The following PNO1 variants were observed in gnomAD, a reference collection of about 807,000 sequenced individuals.
The protein encoded by PNO1 is RNA-binding protein PNO1.
Under a neutral mutation model 28.4 loss-of-function variants are expected in PNO1, and 16 were observed. The ratio of observed to expected loss-of-function variants is 0.56; its 90% confidence interval spans 0.38 to 0.85. PNO1 has a LOEUF of 0.85. Ranked by LOEUF, PNO1 falls within the 40% of genes least tolerant of loss-of-function variation. The probability of loss-of-function intolerance (pLI) is 0.00; values close to 1 mark genes in which losing one functional copy is unlikely to be tolerated. For missense variants in PNO1, 304 were observed against 312.2 expected (o/e 0.97, Z 0.20); for synonymous variants, 115 against 110.8 (o/e 1.04, Z -0.24).
chr2:68,169,247 A>G (rs1252748585), intron 5 of PNO1, among the ~76,000 whole-genome samples: 1 of 151,806 alleles, frequency 6.6e-6, no homozygotes, highest in Non-Finnish European at 1.5e-5. Context: ...TTTTTCTTGT[A>G]CTGTCATGAC....
At position 68,173,427 on chromosome 2, in the gene PNO1, GTTTC is replaced by G. The variant is rs1360528704; in HGVS notation, c.691+18_691+21del. 6 of 1,550,878 alleles carry G rather than the reference GTTTC, an allele frequency of 3.9e-6. No homozygotes were observed. Among genetic ancestry groups the G allele is most frequent in the East Asian group, 2.2e-5 (1 of 44,544 alleles). The stretch of plus-strand genomic sequence containing the variant: ...TGCAACCTAATCTTGGGTAATAGCA[GTTTC>G]TTTCTTTGGTGTTTTCTCTGGGAGG... On this transcript the variant is annotated intron_variant, in intron 6 of 6. Transcript: ENST00000263657.
rs201331443 is a variant in PNO1 at position 68,158,156 on chromosome 2, C to G, written c.207+15C>G. On this transcript the variant is annotated intron_variant, in intron 1 of 6. Transcript: ENST00000263657. ...ACGGGCTCCTGGTATGTGGCTGGGA[C>G]CCTAGGACAGCAACGAGGCAAGGGC... is the stretch of plus-strand genomic sequence containing the variant. 55 of 1,571,556 alleles carry G rather than the reference C, an allele frequency of 3.5e-5. No homozygotes were observed. In the African/African-American group the frequency reaches 6.9e-4, roughly 20 times the overall value.
intron 5 of PNO1, among the ~76,000 whole-genome samples, chr2:68,167,049 T>C (rs570950048): frequency 2.8e-4 from 42 of 152,350 alleles, no homozygotes; most frequent in Middle Eastern, 6.8e-3. Flanking sequence ...CAGGAATTTA[T>C]AGCTGCAGGC....
chr2:68,158,527 A>G lies in PNO1; in HGVS notation c.355A>G (p.Arg119Gly). 1 of 1,610,908 alleles carries G rather than the reference A, an allele frequency of 6.2e-7. No homozygotes were observed. The highest frequency in any genetic ancestry group is 8.5e-7 in the Non-Finnish European group (1 of 1,178,828). Residue 119 changes from arginine (R) to glycine (G), a missense_variant and splice_region_variant, in exon 2 of 7, where the codon AGG becomes GGG. Physicochemically the swap from Arg to Gly is moderately radical, Grantham distance 125. Transcript: ENST00000263657. ...FNLKSRNVEIRTCKETKDVSA... is the reference protein window; with the variant it reads ...FNLKSRNVEIGTCKETKDVSA... Reference sequence around the variant, plus strand: ...CTTGAAATCAAGGAATGTAGAAATCAGGGTAAGGAAAATCTCAATCATTTC... The same window carrying G: ...CTTGAAATCAAGGAATGTAGAAATCGGGGTAAGGAAAATCTCAATCATTTC...
At chr2:68,164,655 G>C (rs553440608) in intron 5 of PNO1, among the ~76,000 whole-genome samples, 1 of 152,104 alleles carries the variant, frequency 6.6e-6, no homozygotes, top group East Asian at 1.9e-4. Flanking sequence ...ATAAAAATTA[G>C]GTGTGATTGT....
chr2:68,158,440 G>A lies in PNO1; in HGVS notation c.268G>A (p.Glu90Lys), dbSNP rs780212904. The change falls in exon 2 of 7, where the codon GAA becomes AAA. Residue 90 changes from glutamate to lysine, a missense_variant. Glu to Lys is a moderately conservative substitution (Grantham distance 56). Coordinates refer to ENST00000263657, the MANE Select transcript of PNO1 (RefSeq NM_020143.4). ...VPANRYTPLK[E>K]NWMKIFTPIV... The stretch of plus-strand genomic sequence containing the variant: ...AGCTAACAGATACACACCATTGAAA[G>A]AAAACTGGATGAAGATATTTACTCC... 11 of 1,613,422 alleles carry A rather than the reference G, an allele frequency of 6.8e-6. No homozygotes were observed. Among genetic ancestry groups the A allele is most frequent in the Non-Finnish European group, 9.3e-6 (11 of 1,179,524 alleles).
At position 68,176,101 on chromosome 2, in the gene PNO1, G is replaced by A. The variant is rs1674276073; in HGVS notation, c.*1299G>A. 6.6e-6 allele frequency: 1 copy of A among 152,168 alleles called. No homozygotes were observed. The highest frequency in any genetic ancestry group is 1.5e-5 in the Non-Finnish European group (1 of 68,028). 9.4% of individuals were successfully genotyped at this position (152,168 alleles called of 1,614,324 possible). A position where few individuals can be genotyped will look rare whatever the true frequency, so the allele number is the denominator to read the frequency against. Reference sequence around the variant, plus strand: ...TTTCTTCTAGTAAAGGTGAAATGATGAAAGAATGCTTTTTTCCCACCCAAA... The same window carrying A: ...TTTCTTCTAGTAAAGGTGAAATGATAAAAGAATGCTTTTTTCCCACCCAAA... On this transcript the variant is annotated 3_prime_UTR_variant, in exon 7 of 7. Transcript: ENST00000263657.
chr2:68,158,645 T>A, intron 2 of PNO1, 116 bp downstream of exon 2: 1 of 896,286 alleles, frequency 1.1e-6, no homozygotes, highest in Non-Finnish European at 1.6e-6. Flanking sequence ...TTTGTCCAGT[T>A]TAAAAATTTA....
At chr2:68,162,437 A>G in intron 4 of PNO1, 109 bp from the exon 5 acceptor site, 2 of 1,017,778 alleles carry the variant, frequency 2.0e-6, no homozygotes, top group Admixed American at 2.0e-5. Context: ...ATATATATAT[A>G]TATACACTTT....
chr2:68,172,007 C>G (rs72892467), intron 5 of PNO1, among the ~76,000 whole-genome samples: 1 of 151,920 alleles, frequency 6.6e-6, no homozygotes, highest in Non-Finnish European at 1.5e-5. Flanking sequence ...TTGGTAATGA[C>G]CAAGTCCAGG....
chr2:68,164,964 C>G (rs2103677230), intron 5 of PNO1, among the ~76,000 whole-genome samples: 1 of 152,198 alleles, frequency 6.6e-6, no homozygotes, highest in South Asian at 2.1e-4. Flanking sequence ...AACTGAAGAG[C>G]ATTCCGAGTG....
At chr2:68,159,656 C>G (rs1308312703) in intron 2 of PNO1, among the ~76,000 whole-genome samples, 1 of 152,042 alleles carries the variant, frequency 6.6e-6, no homozygotes, top group Non-Finnish European at 1.5e-5. Context: ...TACCATCATC[C>G]GGACTGGTAT....
rs35574023 is a variant in PNO1, at chr2:68,174,715, CT to C, written c.692-12del. On this transcript the variant is annotated intron_variant, in intron 6 of 6. Transcript: ENST00000263657. The stretch of plus-strand genomic sequence containing the variant: ...AAATGTGAGTTTATTTGTGTATATA[CT>C]TTTTTTTCCCCTTTGCAGGAAATCC... 89 of 1,569,140 alleles carry C rather than the reference CT, an allele frequency of 5.7e-5. No homozygotes were observed. The highest frequency in any genetic ancestry group is 6.7e-5 in the East Asian group (3 of 44,542).
intron 5 of PNO1, among the ~76,000 whole-genome samples, chr2:68,172,572 T>A (rs1423777160): frequency 1.3e-5 from 2 of 152,162 alleles, no homozygotes; most frequent in Non-Finnish European, 2.9e-5. Flanking sequence ...ATTAAAAGGG[T>A]CTAAATGATC....
At chr2:68,161,023 A>T (rs1444195283) in intron 2 of PNO1, among the ~76,000 whole-genome samples, 4 of 152,246 alleles carry the variant, frequency 2.6e-5, no homozygotes, top group Non-Finnish European at 4.4e-5. Flanking sequence ...TTCCTCACAT[A>T]CGAAGGTAGT....
intron 2 of PNO1, among the ~76,000 whole-genome samples, chr2:68,159,085 CA>C (rs1327200634): frequency 6.6e-6 from 1 of 152,070 alleles, no homozygotes; most frequent in Admixed American, 6.6e-5. Context: ...TGCCGGTATC[CA>C]GTGCCATATA....
intron 5 of PNO1, among the ~76,000 whole-genome samples, chr2:68,163,080 C>T (rs1673879565): frequency 6.6e-6 from 1 of 152,080 alleles, no homozygotes; most frequent in African/African-American, 2.4e-5. Context: ...CAGTTCGAAC[C>T]GTGTTAAGTT....
intron 5 of PNO1, among the ~76,000 whole-genome samples, chr2:68,165,821 T>C (rs1400115241): frequency 1.3e-5 from 2 of 152,260 alleles, no homozygotes; most frequent in African/African-American, 4.8e-5. Flanking sequence ...ACCAACGTTT[T>C]AGAAGTTTAT....
At position 68,157,984 on chromosome 2, in the gene PNO1, C is replaced by A; in HGVS notation, c.50C>A (p.Thr17Asn). Residue 17 changes from threonine to asparagine, a missense_variant, in exon 1 of 7, where the codon ACC becomes AAC. By Grantham distance (65) the Thr-to-Asn change is moderately conservative (BLOSUM62 0). Transcript: ENST00000263657. ...TQSARAEEGF[T>N]QVTRKGGRRA... ...AGCGCCAGGGCAGAGGAGGGCTTTA[C>A]CCAGGTCACCCGCAAGGGTGGCCGA... 1.2e-6 allele frequency: 2 copies of A among 1,614,130 alleles called. No homozygotes were observed. The highest frequency in any genetic ancestry group is 1.3e-5 in the African/African-American group (1 of 75,076).
Sources: allele counts gnomAD v4.1 joint callset (sites outside exome capture counted in the v4.1 genomes callset), GRCh38; gene constraint gnomAD v4.1.1; transcripts MANE v1.5; gene names NCBI Gene and HGNC (gene_info 2026-07-23, HGNC 2026-07-21).